Variants in REEP1 observed in about 807,000 individuals in gnomAD.
REEP1 encodes receptor accessory protein 1.
REEP1 carries 22 observed loss-of-function variants against 40.3 expected under a neutral mutation model. That is an observed-to-expected ratio of 0.55 (90% CI 0.39 to 0.78). The LOEUF (loss-of-function observed/expected upper bound fraction) is 0.78. Ranked by LOEUF, REEP1 falls within the 30% of genes least tolerant of loss-of-function variation. The probability of loss-of-function intolerance (pLI) is 0.00; values close to 1 mark genes in which losing one functional copy is unlikely to be tolerated. For synonymous variants in REEP1, 116 were observed against 139.2 expected (o/e 0.83, Z 1.17); for missense variants, 280 against 361.1 (o/e 0.78, Z 1.82).
intron 1 of REEP1, among the ~76,000 whole-genome samples, chr2:86,307,206 A>G (rs544075075): frequency 6.4e-4 from 97 of 152,116 alleles, no homozygotes; most frequent in Admixed American, 1.6e-3. Flanking sequence ...TGTGTCAAAA[A>G]AAAAAAAAAA....
chr2:86,238,993 C>A (rs910864931), intron 5 of REEP1, among the ~76,000 whole-genome samples: 1 of 151,956 alleles, frequency 6.6e-6, no homozygotes, highest in African/African-American at 2.4e-5. Flanking sequence ...CGTAAACAAC[C>A]ATGCCAGTAG....
At position 86,215,325 on chromosome 2, in the gene REEP1, A is replaced by G. The variant is rs1166817563; in HGVS notation, c.*1714T>C. The G allele has an allele frequency of 2.6e-5, 4 of 152,180 alleles. No homozygotes were observed. The highest frequency in any genetic ancestry group is 4.4e-5 in the Non-Finnish European group (3 of 68,038). The allele number at this position is 152,180 out of a possible 1,614,324, so 9.4% of individuals were successfully genotyped here. ...GGAACTATGGGTAGATGGGATTCCA[A>G]TATGCATATCTGGCAACAATCAGCT... On this transcript the variant is annotated 3_prime_UTR_variant, in exon 9 of 9. Coordinates refer to ENST00000538924, the MANE Select transcript of REEP1 (RefSeq NM_001371279.1).
intron 2 of REEP1, among the ~76,000 whole-genome samples, chr2:86,264,723 A>G (rs1033187325): frequency 6.6e-6 from 1 of 152,240 alleles, no homozygotes; most frequent in African/African-American, 2.4e-5. Context: ...GAGGTAGCTT[A>G]TATTGAACTA....
In REEP1 at chr2:86,223,569, G is replaced by A. The variant is rs542231482; in HGVS notation, c.632-3448C>T. The A allele has an allele frequency of 1.7e-3, 264 of 152,452 alleles. 1 individual carries two copies. The highest frequency in any genetic ancestry group is 6.2e-3 in the African/African-American group (256 of 41,550). 9.4% of individuals were successfully genotyped at this position (152,452 alleles called of 1,614,324 possible). ...GTCTTTGGCACTAAAACTCACACGT[G>A]TGCACCATGCACACATCCCCATCCA... On this transcript the variant is annotated intron_variant, in intron 7 of 8. Coordinates refer to ENST00000538924, the MANE Select transcript of REEP1 (RefSeq NM_001371279.1).
rs985081131 is a variant in REEP1, at chr2:86,251,808, T to A, written c.417+149A>T. On this transcript the variant is annotated intron_variant, in intron 5 of 8. Coordinates refer to ENST00000538924, the MANE Select transcript of REEP1 (RefSeq NM_001371279.1). ...GAATTTTCTGGGGCAAGATTCAGCA[T>A]TTTTTTCCATCAGATTTTCAAAAGG... 5 of 733,988 alleles carry A rather than the reference T, an allele frequency of 6.8e-6. No individual in the cohort carries two copies. The Admixed American group carries it at 9.3e-5, about 14-fold the overall frequency. 45.5% of individuals were successfully genotyped at this position (733,988 alleles called of 1,614,324 possible). A position where few individuals can be genotyped will look rare whatever the true frequency, so the allele number is the denominator to read the frequency against.
intron 4 of REEP1, among the ~76,000 whole-genome samples, chr2:86,252,965 T>C (rs770870433): frequency 2.1e-4 from 32 of 152,200 alleles, no homozygotes; most frequent in Admixed American, 5.9e-4. Flanking sequence ...GAGTGTTTTG[T>C]TGTTGTCATT....
rs1053517764 is a variant in REEP1 at position 86,245,899 on chromosome 2, G to C, written c.417+6058C>G. On this transcript the variant is annotated intron_variant, in intron 5 of 8. Coordinates refer to ENST00000538924, the MANE Select transcript of REEP1 (RefSeq NM_001371279.1). Reference sequence around the variant, plus strand: ...CCTGCCTCAGCCTCCCGAGTAGCTGGGACTACAGGCGCCCGCCACCACGCC... The same window carrying C: ...CCTGCCTCAGCCTCCCGAGTAGCTGCGACTACAGGCGCCCGCCACCACGCC... 3.3e-5 allele frequency among the ~76,000 whole-genome samples: 5 copies of C among 151,872 alleles called. No individual in the cohort carries two copies. The South Asian group carries it at 6.3e-4, about 19-fold the overall frequency.
chr2:86,288,491 T>A (rs1313945255), intron 1 of REEP1, among the ~76,000 whole-genome samples: 1 of 152,220 alleles, frequency 6.6e-6, no homozygotes, highest in Non-Finnish European at 1.5e-5. Context: ...TGTACCACTT[T>A]ACTATATGAA....
chr2:86,249,754 T>A (rs765032145), intron 5 of REEP1, among the ~76,000 whole-genome samples: 5 of 152,118 alleles, frequency 3.3e-5, no homozygotes, highest in Non-Finnish European at 7.4e-5. Context: ...GATGTACACC[T>A]CAGCTAGATT....
intron 2 of REEP1, among the ~76,000 whole-genome samples, chr2:86,276,709 A>G (rs1399559710): frequency 2.0e-5 from 3 of 152,196 alleles, no homozygotes; most frequent in Non-Finnish European, 4.4e-5. Context: ...CTAAAGGTGC[A>G]GGAACCAAGG....
At chr2:86,330,891 G>A (rs1680733324) in intron 1 of REEP1, among the ~76,000 whole-genome samples, 1 of 152,186 alleles carries the variant, frequency 6.6e-6, no homozygotes, top group South Asian at 2.1e-4. Context: ...TTGAGCCACT[G>A]GGATTTGGGA....
At chr2:86,270,450 C>CAAAGTGCTGGGA (rs1249032313) in intron 2 of REEP1, among the ~76,000 whole-genome samples, 8 of 152,310 alleles carry the variant, frequency 5.3e-5, no homozygotes, top group African/African-American at 1.9e-4. Context: ...CCCACTTGGC[C>CAAAGTGCTGGGA]TTCCAAAGTG....
chr2:86,271,346 A>G lies in REEP1; in HGVS notation c.106-7305T>C, dbSNP rs149981630. On this transcript the variant is annotated intron_variant, in intron 2 of 8. Transcript: ENST00000538924. ...AAAAAAAAAAGAAAGAAAAGAAGAG[A>G]AAAAAAGAAAAATCATTACCATACA... Among the ~76,000 whole-genome samples, 582 of 152,040 alleles carry G rather than the reference A, an allele frequency of 3.8e-3. 1 individual carries two copies. Among genetic ancestry groups the G allele is most frequent in the African/African-American group, 0.012 (517 of 41,524 alleles).
At chr2:86,325,791 G>A (rs902042256) in intron 1 of REEP1, among the ~76,000 whole-genome samples, 1 of 152,210 alleles carries the variant, frequency 6.6e-6, no homozygotes, top group African/African-American at 2.4e-5. Flanking sequence ...AGAACTGCAA[G>A]AGAAGAAACC....
At chr2:86,335,007 G>A (rs995712372) in intron 1 of REEP1, among the ~76,000 whole-genome samples, 11 of 152,148 alleles carry the variant, frequency 7.2e-5, no homozygotes, top group Non-Finnish European at 1.0e-4. Flanking sequence ...AACCATGGGC[G>A]TTCTGACTCC....
chr2:86,225,754 C>T (rs1280462359), intron 7 of REEP1, among the ~76,000 whole-genome samples: 2 of 152,218 alleles, frequency 1.3e-5, no homozygotes, highest in Non-Finnish European at 2.9e-5. Flanking sequence ...TATTAGGCAC[C>T]TTGCGTGCCT....
intron 7 of REEP1, among the ~76,000 whole-genome samples, chr2:86,224,028 T>C (rs1198602985): frequency 5.3e-5 from 8 of 152,142 alleles, no homozygotes; most frequent in Admixed American, 1.3e-4. Flanking sequence ...GAAAAGAATG[T>C]TCTGGCATCT....
intron 3 of REEP1, among the ~76,000 whole-genome samples, chr2:86,260,786 G>A (rs73944919): frequency 0.038 from 5,820 of 152,246 alleles, 385 homozygotes; most frequent in African/African-American, 0.13. Context: ...TAAAAGACCA[G>A]GCTGGCCCAC....
intron 1 of REEP1, among the ~76,000 whole-genome samples, chr2:86,295,603 C>T (rs1322617698): frequency 6.6e-6 from 1 of 152,184 alleles, no homozygotes; most frequent in Non-Finnish European, 1.5e-5. Context: ...CCACTCACTG[C>T]AAGCTCCGCC....
Sources: allele counts gnomAD v4.1 joint callset (sites outside exome capture counted in the v4.1 genomes callset), GRCh38; gene constraint gnomAD v4.1.1; transcripts MANE v1.5; gene names NCBI Gene and HGNC (gene_info 2026-07-23, HGNC 2026-07-21).